ZNF214: variants seen among roughly 807,000 people sequenced by gnomAD.
ZNF214 encodes the protein zinc finger protein 214.
ZNF214 carries 43 observed loss-of-function variants against 53.9 expected under a neutral mutation model. The observed-to-expected ratio is 0.80, with a 90% CI of 0.63 to 1.03. The LOEUF is 1.03. ZNF214 is among the 50% of genes least tolerant of loss of function. ZNF214 has a pLI of 0.00. For missense variants in ZNF214, 724 were observed against 719.1 expected (o/e 1.01, Z -0.08); for synonymous variants, 217 against 229.5 (o/e 0.95, Z 0.49).
Position 6,998,291 on chromosome 11 carries a change from T to G in ZNF214, c.*1571A>C, listed in dbSNP as rs1851233124. Reference sequence around the variant, plus strand: ...CTTTCTAACCTGTTTCTAAGGTTGCTTTAATACTGGTTTTGCCTAAAACTT... The same window carrying G: ...CTTTCTAACCTGTTTCTAAGGTTGCGTTAATACTGGTTTTGCCTAAAACTT... On this transcript the variant is annotated 3_prime_UTR_variant, in exon 3 of 3. Transcript: ENST00000278314. Among the ~76,000 whole-genome samples, 1 of 151,994 alleles carries G rather than the reference T, an allele frequency of 6.6e-6. No individual in the cohort carries two copies. Among genetic ancestry groups the G allele is most frequent in the African/African-American group, 2.4e-5 (1 of 41,416 alleles).
At chr11:7,010,637 TAAAA>T (rs34849852) in intron 1 of ZNF214, among the ~76,000 whole-genome samples, 1 of 128,348 alleles carries the variant, frequency 7.8e-6, no homozygotes, top group Admixed American at 7.7e-5. Context: ...CATCCCCCAT[TAAAA>T]AAAAAAAAAA....
Position 7,000,919 on chromosome 11 carries a change from C to T in ZNF214, c.764G>A (p.Cys255Tyr), listed in dbSNP as rs1851326451. The change falls in exon 3 of 3, where the codon TGC becomes TAC. Residue 255 changes from cysteine to tyrosine, a missense_variant. Coordinates refer to ENST00000278314, the MANE Select transcript of ZNF214 (RefSeq NM_013249.4). ...ATACAAGTCTGATCTCTGAGAGAAG[C>T]ATGCTTTACAGATGGAGCATTGACA... Reference protein sequence around the residue: ...NLCQCSICKACFSQRSDLYRH... With the variant: ...NLCQCSICKAYFSQRSDLYRH... 2 of 1,613,236 alleles carry T rather than the reference C, an allele frequency of 1.2e-6. No individual in the cohort carries two copies. Among genetic ancestry groups the T allele is most frequent in the African/African-American group, 1.3e-5 (1 of 74,978 alleles).
chr11:7,000,506 T>A lies in ZNF214; in HGVS notation c.1177A>T (p.Lys393Ter), dbSNP rs760492873. 1.9e-6 allele frequency: 3 copies of A among 1,612,814 alleles called. No homozygotes were observed. The highest frequency in any genetic ancestry group is 1.1e-5 in the South Asian group (1 of 90,962). Residue 393 changes from lysine (K) to a stop codon, truncating the protein, a stop_gained, in exon 3 of 3, where the codon AAG (lysine) becomes TAG (stop). Coordinates refer to ENST00000278314, the MANE Select transcript of ZNF214 (RefSeq NM_013249.4). LOFTEE classifies it high-confidence loss of function. ...EKPYKCDECG[K>*]GFSQSSNLRI... is the part of the protein sequence containing the mutation. Reference sequence around the variant, plus strand: ...AGATTTGAGCTCTGGCTGAAACCCTTACCACACTCATCACACTTATATGGT... The same window carrying A: ...AGATTTGAGCTCTGGCTGAAACCCTAACCACACTCATCACACTTATATGGT...
intron 1 of ZNF214, among the ~76,000 whole-genome samples, chr11:7,012,784 AG>A (rs1378997231): frequency 2.0e-5 from 3 of 152,244 alleles, no homozygotes; most frequent in Admixed American, 2.0e-4. Flanking sequence ...GTGAAACATA[AG>A]GCCAGTAAAA....
At position 7,001,043 on chromosome 11, in the gene ZNF214, T is replaced by C. The variant is rs763911360; in HGVS notation, c.640A>G (p.Met214Val). ...TTACATCCACAGTACTTTTCTTCCA[T>C]TGAATCTCTCAGTAGGTCTTCTTGA... ...ICQEDLLRDS[M>V]EEKYCGCNKC... The change falls in exon 3 of 3, where the codon ATG (methionine) becomes GTG (valine). Residue 214 changes from methionine (M) to valine (V), a missense_variant. By Grantham distance (21) the Met-to-Val change is conservative (BLOSUM62 1). Coordinates refer to ENST00000278314, the MANE Select transcript of ZNF214 (RefSeq NM_013249.4). 3.7e-6 allele frequency: 6 copies of C among 1,613,188 alleles called. No individual in the cohort carries two copies. The East Asian group carries it at 8.9e-5, about 24-fold the overall frequency.
chr11:7,010,189 C>T (rs1031310702), intron 1 of ZNF214, among the ~76,000 whole-genome samples: 10 of 151,822 alleles, frequency 6.6e-5, no homozygotes, highest in Admixed American at 3.3e-4. Flanking sequence ...TAACAATAGA[C>T]GGGATAAAGA....
At chr11:7,004,416 T>C (rs1313399260) in intron 1 of ZNF214, among the ~76,000 whole-genome samples, 1 of 151,970 alleles carries the variant, frequency 6.6e-6, no homozygotes, top group Non-Finnish European at 1.5e-5. Context: ...TCAGTACAGG[T>C]AGACCTGTCT....
intron 1 of ZNF214, among the ~76,000 whole-genome samples, chr11:7,013,948 A>G (rs1851681766): frequency 1.3e-5 from 2 of 152,238 alleles, no homozygotes; most frequent in South Asian, 4.1e-4. Flanking sequence ...TACTTATTAA[A>G]ATTCAACATG....
At chr11:7,008,858 T>G (rs1196038835) in intron 1 of ZNF214, among the ~76,000 whole-genome samples, 3 of 151,972 alleles carry the variant, frequency 2.0e-5, no homozygotes, top group Non-Finnish European at 4.4e-5. Context: ...GAATAAAATA[T>G]CTATGCATAC....
At chr11:7,019,679 T>A (rs930396642) in intron 1 of ZNF214, 3 of 152,244 alleles carry the variant, frequency 2.0e-5, no homozygotes, top group African/African-American at 7.2e-5. Flanking sequence ...CTCAGTTTCC[T>A]TACCTGTAAA....
chr11:7,006,325 ATAT>A (rs1183718930), intron 1 of ZNF214, among the ~76,000 whole-genome samples: 1 of 152,056 alleles, frequency 6.6e-6, no homozygotes, highest in East Asian at 1.9e-4. Context: ...CCCCCCAACA[ATAT>A]TATATAAACT....
chr11:7,014,621 A>G (rs1402633000), intron 1 of ZNF214, among the ~76,000 whole-genome samples: 1 of 152,118 alleles, frequency 6.6e-6, no homozygotes, highest in East Asian at 1.9e-4. Flanking sequence ...CTGCCCCTTT[A>G]GGAGAGGGGT....
At chr11:7,004,980 G>A (rs10839680) in intron 1 of ZNF214, among the ~76,000 whole-genome samples, 87,020 of 151,884 alleles carry the variant, frequency 0.57, 25,900 homozygotes, top group East Asian at 0.73. Flanking sequence ...TAAAAGTTAC[G>A]TAGCATTTCA....
rs182147257 is a variant in ZNF214, at chr11:7,001,323, T to C, written c.360A>G (p.Glu120=). 1.9e-6 allele frequency: 3 copies of C among 1,613,218 alleles called. No homozygotes were observed. The East Asian group carries it at 6.7e-5, about 36-fold the overall frequency. ...STQVPGYGNY[E]LTFESKSLRN... ...TGAGACTTTTGCTTTCAAAAGTCAG[T>C]TCATAGTTCCCATACCCTGGTACTT... The change falls in exon 3 of 3, where the codon GAA becomes GAG. Residue 120 remains glutamate, a synonymous_variant. Transcript: ENST00000278314.
rs551236057 is a variant in ZNF214, at chr11:6,998,958, G to GGTTCATC, written c.*897_*903dup. 1.0e-3 allele frequency among the ~76,000 whole-genome samples: 153 copies of GGTTCATC among 151,900 alleles called. 2 individuals are homozygous for GGTTCATC. The highest frequency in any genetic ancestry group is 9.9e-3 in the East Asian group (51 of 5,162). On this transcript the variant is annotated 3_prime_UTR_variant, in exon 3 of 3. Transcript: ENST00000278314. ...TCTCTTTTTACATAATTAGCTTCAG[G>GGTTCATC]GTTCATCGTTGCACAGAGTTCTGAG...
Position 7,000,089 on chromosome 11 carries a change from C to G in ZNF214, c.1594G>C (p.Gly532Arg), listed in dbSNP as rs755316601. The change falls in exon 3 of 3, where the codon GGA (glycine) becomes CGA (arginine). Residue 532 changes from glycine to arginine, a missense_variant. Gly to Arg is a moderately radical substitution (Grantham distance 125). Transcript: ENST00000278314. ...GEKPYKCHDC[G>R]KGFSHSSNLH... ...TTAGAACTGTGACTAAAACCCTTTC[C>G]ACAATCATGACATTTATAGGGCTTT... The G allele has an allele frequency of 1.2e-6, 2 of 1,613,256 alleles. No individual in the cohort carries two copies. The highest frequency in any genetic ancestry group is 3.3e-5 in the Admixed American group (2 of 59,866).
In ZNF214 at chr11:7,000,495, G is replaced by A. The variant is rs1341886570; in HGVS notation, c.1188C>T (p.Ser396=). The change falls in exon 3 of 3, where the codon AGC becomes AGT. Residue 396 remains serine (S), a synonymous_variant. Transcript: ENST00000278314. ...YKCDECGKGF[S]QSSNLRIHQL... ...GATGAATTCGAAGATTTGAGCTCTG[G>A]CTGAAACCCTTACCACACTCATCAC... The A allele has an allele frequency of 1.2e-5, 20 of 1,612,756 alleles. No homozygotes were observed. The highest frequency in any genetic ancestry group is 6.6e-5 in the South Asian group (6 of 90,970).
chr11:7,017,137 T>C (rs1160778652), intron 1 of ZNF214, among the ~76,000 whole-genome samples: 1 of 151,814 alleles, frequency 6.6e-6, no homozygotes, highest in Admixed American at 6.6e-5. Flanking sequence ...ATATAAAGAG[T>C]CAACGAATAT....
intron 1 of ZNF214, among the ~76,000 whole-genome samples, chr11:7,011,237 G>A (rs1409702958): frequency 2.6e-5 from 4 of 151,728 alleles, no homozygotes; most frequent in African/African-American, 7.3e-5. Context: ...TTAAATTACA[G>A]GCACATTTGT....
Sources: allele counts gnomAD v4.1 joint callset (sites outside exome capture counted in the v4.1 genomes callset), GRCh38; gene constraint gnomAD v4.1.1; transcripts MANE v1.5; gene names NCBI Gene and HGNC (gene_info 2026-07-23, HGNC 2026-07-21).